Variants in SYAP1 observed in about 807,000 individuals in gnomAD.
SYAP1 encodes synapse-associated protein 1.
Under a neutral mutation model 29.6 loss-of-function variants are expected in SYAP1, and 3 were observed. The ratio of observed to expected loss-of-function variants is 0.10; its 90% CI spans 0.05 to 0.26. The LOEUF is 0.26. SYAP1 is among the 10% of genes least tolerant of loss of function. The pLI is 1.00. For synonymous variants in SYAP1, 102 were observed against 102.7 expected, an observed-to-expected ratio of 0.99 and a Z score of 0.04; for missense variants, 217 against 264.1, an observed-to-expected ratio of 0.82 and a Z score of 1.24.
intron 5 of SYAP1, among the ~76,000 whole-genome samples, chrX:16,754,389 CG>C (rs1384940687): frequency 1.8e-5 from 2 of 111,343 alleles, no homozygotes; most frequent in African/African-American, 6.5e-5. Flanking sequence ...TTTGCTGCTA[CG>C]GGGAAGATAG....
chrX:16,748,084 A>T (rs896392453), intron 5 of SYAP1, among the ~76,000 whole-genome samples: 2 of 101,178 alleles, frequency 2.0e-5, no homozygotes, highest in Non-Finnish European at 4.2e-5. Flanking sequence ...ACTCCGTCTC[A>T]AAAAAAAAAA....
At chrX:16,719,933 G>A (rs1431505860) in intron 1 of SYAP1, 34 bp downstream of exon 1, 1 of 1,155,841 alleles carries the variant, frequency 8.7e-7, no homozygotes. Context: ...CCGGGAAGGG[G>A]GGGGCGCATT....
At chrX:16,749,474 T>G (rs1926681616) in intron 5 of SYAP1, among the ~76,000 whole-genome samples, 1 of 111,937 alleles carries the variant, frequency 8.9e-6, no homozygotes, top group Non-Finnish European at 1.9e-5. Flanking sequence ...TGACCGCACC[T>G]CTCATATCAA....
chrX:16,732,289 A>G (rs1157616461), intron 1 of SYAP1, among the ~76,000 whole-genome samples: 4 of 111,987 alleles, frequency 3.6e-5, no homozygotes, highest in African/African-American at 1.3e-4. Flanking sequence ...TCAGTAGTGA[A>G]ATAGTTTGGT....
At chrX:16,720,281 G>A (rs994942899) in intron 1 of SYAP1, among the ~76,000 whole-genome samples, 11 of 111,981 alleles carry the variant, frequency 9.8e-5, no homozygotes, top group Non-Finnish European at 1.3e-4. Context: ...GCTTGAATTG[G>A]TTGAAAAAAT....
chrX:16,722,905 A>G (rs770631062), intron 1 of SYAP1, among the ~76,000 whole-genome samples: 11 of 112,241 alleles, frequency 9.8e-5, no homozygotes, highest in African/African-American at 1.3e-4. Flanking sequence ...CTTTGCCTCT[A>G]CTCTTTCTGA....
chrX:16,728,471 A>C (rs1358787304), intron 1 of SYAP1, among the ~76,000 whole-genome samples: 1 of 111,224 alleles, frequency 9.0e-6, no homozygotes, highest in Non-Finnish European at 1.9e-5. Flanking sequence ...GTTCAAGACC[A>C]GCCTGGCCAA....
intron 4 of SYAP1, among the ~76,000 whole-genome samples, chrX:16,742,698 C>A (rs1223622766): frequency 8.9e-6 from 1 of 112,422 alleles, no homozygotes; most frequent in Non-Finnish European, 1.9e-5. Context: ...CTCACTGCAG[C>A]CTTGAACTGG....
intron 5 of SYAP1, among the ~76,000 whole-genome samples, chrX:16,748,315 A>G (rs941769520): frequency 2.7e-5 from 3 of 111,825 alleles, no homozygotes; most frequent in African/African-American, 9.8e-5. Context: ...TTTGTCGAAA[A>G]TTTCCATAAC....
intron 1 of SYAP1, among the ~76,000 whole-genome samples, chrX:16,734,996 CAAAAAAAAAAAA>C (rs1213395857): frequency 3.0e-4 from 3 of 9,919 alleles, no homozygotes; most frequent in Non-Finnish European, 5.6e-4. Flanking sequence ...GAGACTGTCT[CAAAAAAAAAAAA>C]AAAAAAAAAA....
rs1186698711 is a variant in SYAP1, at chrX:16,748,454, T to C, written c.575+4614T>C. 2.7e-5 allele frequency among the ~76,000 whole-genome samples: 3 copies of C among 112,753 alleles called. No individual in the cohort carries two copies. The Admixed American group carries it at 2.8e-4, about 11-fold the overall frequency. On this transcript the variant is annotated intron_variant, in intron 5 of 8. Coordinates refer to ENST00000380155, the MANE Select transcript of SYAP1 (RefSeq NM_032796.4). ...AAGCCATCATTAACTAGGAACACTT[T>C]AGAAAACAAAACACTTGCTCTGGAT...
intron 1 of SYAP1, among the ~76,000 whole-genome samples, chrX:16,729,052 GAA>G (rs140902155): frequency 4.7e-4 from 45 of 95,690 alleles, no homozygotes; most frequent in African/African-American, 1.5e-3. Flanking sequence ...AAAAAAAAAA[GAA>G]AAAAAAAAAG....
chrX:16,756,528 G>A (rs1185770210), intron 6 of SYAP1, 135 bp from the exon 7 acceptor site: 2 of 551,660 alleles, frequency 3.6e-6, no homozygotes, highest in East Asian at 7.4e-5. Context: ...CTTAAGAAAA[G>A]CTGAAAGCAT....
At chrX:16,742,070 A>T (rs1273361210) in intron 4 of SYAP1, among the ~76,000 whole-genome samples, 1 of 102,848 alleles carries the variant, frequency 9.7e-6, no homozygotes, top group Non-Finnish European at 2.0e-5. Context: ...GGTTCAAATG[A>T]TTCTCCTGCC....
chrX:16,754,482 C>T (rs1396184350), intron 5 of SYAP1, among the ~76,000 whole-genome samples: 1 of 111,854 alleles, frequency 8.9e-6, no homozygotes, highest in African/African-American at 3.3e-5. Context: ...GTAATCCCAG[C>T]ACTTTGGGAG....
chrX:16,727,301 T>C (rs1372558682), intron 1 of SYAP1, among the ~76,000 whole-genome samples: 2 of 107,718 alleles, frequency 1.9e-5, no homozygotes, highest in Non-Finnish European at 3.8e-5. Context: ...AAAACAGGCT[T>C]TGATGGAACT....
chrX:16,752,648 C>T (rs778801619), intron 5 of SYAP1, among the ~76,000 whole-genome samples: 1 of 110,072 alleles, frequency 9.1e-6, no homozygotes, highest in South Asian at 3.9e-4. Context: ...GCAAAAAAGC[C>T]CAGTTCACAC....
intron 5 of SYAP1, among the ~76,000 whole-genome samples, chrX:16,744,372 T>G (rs1187479184): frequency 8.9e-6 from 1 of 112,720 alleles, no homozygotes; most frequent in Admixed American, 9.4e-5. Context: ...GTGTTCTGTC[T>G]CAAGCTCTTC....
intron 4 of SYAP1, among the ~76,000 whole-genome samples, chrX:16,742,148 T>TTG (rs1221047115): frequency 1.2e-5 from 1 of 84,204 alleles, no homozygotes; most frequent in African/African-American, 4.8e-5. Context: ...GTGTGGTTTT[T>TTG]TTTTTTTTTT....
Sources: allele counts gnomAD v4.1 joint callset (sites outside exome capture counted in the v4.1 genomes callset), GRCh38; gene constraint gnomAD v4.1.1; transcripts MANE v1.5; gene names NCBI Gene and HGNC (gene_info 2026-07-23, HGNC 2026-07-21).